The following RGS17 variants were observed in gnomAD, a reference collection of about 807,000 sequenced individuals.
The protein encoded by RGS17 is regulator of G protein signaling 17, also known as regulator of G-protein signaling 17.
In RGS17, 12 loss-of-function variants were observed where a neutral mutation model predicts 25.5. The observed-to-expected ratio is 0.47, with a 90% CI of 0.30 to 0.76. The LOEUF is 0.76. Ranked by LOEUF, RGS17 falls within the 30% of genes least tolerant of loss-of-function variation. The pLI is 0.07. For synonymous variants in RGS17, 71 were observed against 76.9 expected (o/e 0.92, Z 0.40); for missense variants, 196 against 242.2 (o/e 0.81, Z 1.27).
At chr6:153,039,204 G>A (rs1384545042) in intron 2 of RGS17, among the ~76,000 whole-genome samples, 1 of 152,122 alleles carries the variant, frequency 6.6e-6, no homozygotes, top group Non-Finnish European at 1.5e-5. Flanking sequence ...ACATTCAGAG[G>A]CTTGCATCTC....
At chr6:153,023,172 G>C (rs1193768370) in intron 4 of RGS17, among the ~76,000 whole-genome samples, 1 of 152,166 alleles carries the variant, frequency 6.6e-6, no homozygotes, top group Non-Finnish European at 1.5e-5. Context: ...TAATAAAATA[G>C]ACACTAATTC....
intron 1 of RGS17, among the ~76,000 whole-genome samples, chr6:153,063,605 A>C (rs1776667118): frequency 1.3e-5 from 2 of 152,178 alleles, no homozygotes. Context: ...TAGACTCAAC[A>C]GGGCAAATCT....
intron 1 of RGS17, among the ~76,000 whole-genome samples, chr6:153,090,605 C>A (rs1777114094): frequency 6.6e-6 from 1 of 151,838 alleles, no homozygotes; most frequent in African/African-American, 2.4e-5. Flanking sequence ...CCAGCCTGGG[C>A]AACGAAATGA....
chr6:153,102,437 A>G (rs915933768), intron 1 of RGS17, among the ~76,000 whole-genome samples: 1 of 152,230 alleles, frequency 6.6e-6, no homozygotes, highest in African/African-American at 2.4e-5. Context: ...GGAACTCTAT[A>G]TATTGATACA....
At chr6:153,071,935 T>G (rs1400674007) in intron 1 of RGS17, among the ~76,000 whole-genome samples, 2 of 152,130 alleles carry the variant, frequency 1.3e-5, no homozygotes, top group Admixed American at 6.6e-5. Context: ...TTTACCAGGT[T>G]GTTGTTTGGA....
intron 1 of RGS17, among the ~76,000 whole-genome samples, chr6:153,112,524 C>T (rs751105214): frequency 2.1e-4 from 32 of 152,074 alleles, no homozygotes; most frequent in Non-Finnish European, 4.1e-4. Flanking sequence ...GGAGAACTTC[C>T]CCAACCTATC....
intron 1 of RGS17, among the ~76,000 whole-genome samples, chr6:153,095,064 G>A (rs1193948368): frequency 2.0e-5 from 3 of 152,032 alleles, no homozygotes; most frequent in African/African-American, 4.8e-5. Context: ...TGGTTGGCTT[G>A]GTATGTGTTT....
intron 1 of RGS17, among the ~76,000 whole-genome samples, chr6:153,046,295 T>C (rs1387323474): frequency 2.1e-5 from 3 of 145,014 alleles, no homozygotes; most frequent in African/African-American, 4.9e-5. Flanking sequence ...GTAGGATGAC[T>C]AAAGTTAACA....
At chr6:153,099,533 T>C (rs892216821) in intron 1 of RGS17, among the ~76,000 whole-genome samples, 7 of 152,216 alleles carry the variant, frequency 4.6e-5, no homozygotes, top group Non-Finnish European at 8.8e-5. Context: ...GCTGTATCTG[T>C]CCTAGAGGAA....
rs1353233909 is a variant in RGS17, at chr6:153,130,406, C to G, written c.-26+718G>C. Among the ~76,000 whole-genome samples the G allele has an allele frequency of 6.6e-6, 1 of 151,936 alleles. No homozygotes were observed. On this transcript the variant is annotated intron_variant, in intron 1 of 4. Transcript: ENST00000206262. The surrounding 1 kb of genome is among the most constrained non-coding windows in gnomAD (Gnocchi z 6.4). ...TGGAATCCACCCCGCGCCGCACACG[C>G]CAGGACTCCCTTTCCTTTGACTAAG...
At chr6:153,110,455 C>CACACACACA in intron 1 of RGS17, among the ~76,000 whole-genome samples, 1 of 151,876 alleles carries the variant, frequency 6.6e-6, no homozygotes, top group South Asian at 2.1e-4. Flanking sequence ...CACACACACA[C>CACACACACA]ACTTCAATAT....
At chr6:153,127,641 G>T (rs1029452679) in intron 1 of RGS17, among the ~76,000 whole-genome samples, 4 of 152,142 alleles carry the variant, frequency 2.6e-5, no homozygotes, top group African/African-American at 9.7e-5. Context: ...AGGTAATTTT[G>T]TATCGTAGGG....
chr6:153,112,788 A>G (rs544814720), intron 1 of RGS17, among the ~76,000 whole-genome samples: 1 of 152,326 alleles, frequency 6.6e-6, no homozygotes, highest in African/African-American at 2.4e-5. Context: ...TAAAGAAAGC[A>G]ATTTTCAAAC....
At chr6:153,092,331 G>A (rs1162910797) in intron 1 of RGS17, among the ~76,000 whole-genome samples, 2 of 152,174 alleles carry the variant, frequency 1.3e-5, no homozygotes, top group Non-Finnish European at 2.9e-5. Flanking sequence ...AGCAGTTGAA[G>A]ACTCAGGTAA....
intron 1 of RGS17, among the ~76,000 whole-genome samples, chr6:153,066,436 A>G (rs1015005254): frequency 1.3e-5 from 2 of 152,186 alleles, no homozygotes; most frequent in Non-Finnish European, 2.9e-5. Flanking sequence ...AGAAGAACCA[A>G]TAACAATCCT....
chr6:153,020,441 C>T (rs934397856), intron 4 of RGS17, among the ~76,000 whole-genome samples: 3 of 151,836 alleles, frequency 2.0e-5, no homozygotes, highest in African/African-American at 7.3e-5. Context: ...GTGTGAGCCA[C>T]CGCGCCCGGT....
chr6:153,079,934 T>C (rs1003706760), intron 1 of RGS17, among the ~76,000 whole-genome samples: 1 of 152,194 alleles, frequency 6.6e-6, no homozygotes, highest in African/African-American at 2.4e-5. Flanking sequence ...TTTAAAGTTT[T>C]GGATTCCAAA....
intron 1 of RGS17, among the ~76,000 whole-genome samples, chr6:153,091,580 T>G (rs1158486814): frequency 6.6e-6 from 1 of 152,072 alleles, no homozygotes; most frequent in African/African-American, 2.4e-5. Context: ...AGGTGCAATC[T>G]TGGCTCACTG....
chr6:153,071,077 A>G (rs1239876268), intron 1 of RGS17, among the ~76,000 whole-genome samples: 4 of 150,264 alleles, frequency 2.7e-5, no homozygotes, highest in Non-Finnish European at 4.4e-5. Flanking sequence ...ATATACGTAT[A>G]TGTACACATG....
Sources: allele counts gnomAD v4.1 joint callset (sites outside exome capture counted in the v4.1 genomes callset), GRCh38; gene constraint gnomAD v4.1.1; non-coding constraint Gnocchi (gnomAD v3.1); transcripts MANE v1.5; gene names NCBI Gene and HGNC (gene_info 2026-07-23, HGNC 2026-07-21).